The following GALNTL6 variants were observed in gnomAD, a reference collection of about 807,000 sequenced individuals.
The protein encoded by GALNTL6 is polypeptide N-acetylgalactosaminyltransferase-like 6.
GALNTL6 carries 46 observed loss-of-function variants against 73.7 expected under a neutral mutation model. The observed-to-expected ratio is 0.62, with a 90% CI of 0.49 to 0.80. The LOEUF (loss-of-function observed/expected upper bound fraction) is 0.80. GALNTL6 is among the 30% of genes least tolerant of loss of function. The pLI, the probability that GALNTL6 is intolerant of heterozygous loss-of-function variation, is 0.00. For missense variants in GALNTL6, 604 were observed against 755.0 expected (o/e 0.80, Z 2.34); for synonymous variants, 259 against 263.7 (o/e 0.98, Z 0.17).
At chr4:172,226,435 T>C (rs1301478224) in intron 2 of GALNTL6, among the ~76,000 whole-genome samples, 3 of 152,364 alleles carry the variant, frequency 2.0e-5, no homozygotes, top group African/African-American at 7.2e-5. Context: ...TTGTTTCTTA[T>C]AGCCTTATCA....
At chr4:172,530,354 G>A (rs1735128029) in intron 5 of GALNTL6, among the ~76,000 whole-genome samples, 1 of 152,168 alleles carries the variant, frequency 6.6e-6, no homozygotes, top group Non-Finnish European at 1.5e-5. Flanking sequence ...AAAGGGAAAT[G>A]CTACTCGCCT....
At chr4:171,971,147 TG>T (rs1166233694) in intron 2 of GALNTL6, among the ~76,000 whole-genome samples, 1 of 152,176 alleles carries the variant, frequency 6.6e-6, no homozygotes, top group Non-Finnish European at 1.5e-5. Context: ...ACAGAAAACA[TG>T]CAAAGTTTAT....
At chr4:173,039,595 T>G (rs931390286) in intron 12 of GALNTL6, among the ~76,000 whole-genome samples, 25 of 152,170 alleles carry the variant, frequency 1.6e-4, no homozygotes, top group Admixed American at 2.0e-4. Flanking sequence ...CCCCATATAC[T>G]TACTATTTTC....
intron 5 of GALNTL6, among the ~76,000 whole-genome samples, chr4:172,708,143 T>A (rs542333658): frequency 6.6e-6 from 1 of 152,300 alleles, no homozygotes; most frequent in South Asian, 2.1e-4. Context: ...CTCTGCCTCC[T>A]GGACTCAAGC....
chr4:172,182,464 A>ATC (rs1324693074), intron 2 of GALNTL6, among the ~76,000 whole-genome samples: 1 of 150,030 alleles, frequency 6.7e-6, no homozygotes, highest in Non-Finnish European at 1.5e-5. Context: ...TAAGACTCAG[A>ATC]TATCTTCTTT....
chr4:172,434,932 A>C (rs562599103), intron 5 of GALNTL6, among the ~76,000 whole-genome samples: 1 of 152,130 alleles, frequency 6.6e-6, no homozygotes, highest in African/African-American at 2.4e-5. Flanking sequence ...TCATCTTTTA[A>C]GCATTAAGTA....
chr4:172,145,323 G>T (rs537601524), intron 2 of GALNTL6, among the ~76,000 whole-genome samples: 1 of 152,036 alleles, frequency 6.6e-6, no homozygotes, highest in African/African-American at 2.4e-5. Flanking sequence ...TGTATTTTTA[G>T]TAGAGATGTG....
At chr4:172,691,482 C>G (rs556955004) in intron 5 of GALNTL6, among the ~76,000 whole-genome samples, 1 of 152,304 alleles carries the variant, frequency 6.6e-6, no homozygotes, top group African/African-American at 2.4e-5. Flanking sequence ...TGTTACATGA[C>G]TCAGACTCTT....
intron 2 of GALNTL6, among the ~76,000 whole-genome samples, chr4:172,075,517 A>G (rs1731676079): frequency 1.3e-5 from 2 of 151,988 alleles, no homozygotes; most frequent in Admixed American, 1.3e-4. Flanking sequence ...TGGTATTTTT[A>G]GTAGAGACGG....
intron 3 of GALNTL6, among the ~76,000 whole-genome samples, chr4:172,287,637 T>G (rs1168217691): frequency 6.6e-6 from 1 of 152,184 alleles, no homozygotes; most frequent in Non-Finnish European, 1.5e-5. Flanking sequence ...TCTGTCAGCT[T>G]ATTATCCAAA....
At chr4:172,672,045 C>A (rs1301148572) in intron 5 of GALNTL6, among the ~76,000 whole-genome samples, 1 of 152,100 alleles carries the variant, frequency 6.6e-6, no homozygotes, top group Admixed American at 6.5e-5. Context: ...CATGCACCAC[C>A]AGGCCTGGCT....
At chr4:172,940,324 TC>T (rs1226187677) in intron 9 of GALNTL6, among the ~76,000 whole-genome samples, 1 of 152,042 alleles carries the variant, frequency 6.6e-6, no homozygotes, top group Non-Finnish European at 1.5e-5. Flanking sequence ...TAATTCCACT[TC>T]CCAACTAGGA....
intron 7 of GALNTL6, among the ~76,000 whole-genome samples, chr4:172,844,943 C>A (rs531178141): frequency 4.6e-5 from 7 of 151,994 alleles, no homozygotes; most frequent in African/African-American, 1.7e-4. Flanking sequence ...TGGCTGGGCG[C>A]GGTGGCTCAC....
chr4:172,417,483 C>T (rs1010286083), intron 5 of GALNTL6, among the ~76,000 whole-genome samples: 2 of 152,002 alleles, frequency 1.3e-5, no homozygotes, highest in African/African-American at 4.8e-5. Context: ...AACTTCATCT[C>T]TACTAGAATA....
intron 7 of GALNTL6, among the ~76,000 whole-genome samples, chr4:172,846,966 TC>T (rs1300706775): frequency 6.6e-6 from 1 of 152,150 alleles, no homozygotes; most frequent in African/African-American, 2.4e-5. Context: ...TTCTCTCTCT[TC>T]CTCTCCCTCT....
chr4:172,581,208 C>T (rs1441171380), intron 5 of GALNTL6, among the ~76,000 whole-genome samples: 1 of 152,154 alleles, frequency 6.6e-6, no homozygotes, highest in African/African-American at 2.4e-5. Flanking sequence ...ACATATATGC[C>T]ATAAAGCAAA....
chr4:172,997,086 G>T (rs1417914267), intron 10 of GALNTL6, among the ~76,000 whole-genome samples: 1 of 152,104 alleles, frequency 6.6e-6, no homozygotes, highest in Non-Finnish European at 1.5e-5. Flanking sequence ...CTCCACTTCA[G>T]TGTCTCTATC....
At chr4:172,155,376 C>T (rs1020734890) in intron 2 of GALNTL6, among the ~76,000 whole-genome samples, 1 of 152,072 alleles carries the variant, frequency 6.6e-6, no homozygotes, top group Admixed American at 6.6e-5. Context: ...AGGTGAGGTC[C>T]GTGAACGAAA....
chr4:172,552,019 G>A (rs536903500), intron 5 of GALNTL6, among the ~76,000 whole-genome samples: 1 of 152,228 alleles, frequency 6.6e-6, no homozygotes, highest in East Asian at 1.9e-4. Flanking sequence ...ATCTCACTAT[G>A]TAAATACTTT....
Sources: allele counts gnomAD v4.1 joint callset (sites outside exome capture counted in the v4.1 genomes callset), GRCh38; gene constraint gnomAD v4.1.1; transcripts MANE v1.5; gene names NCBI Gene and HGNC (gene_info 2026-07-23, HGNC 2026-07-21).